SPATS2L: variants seen among roughly 807,000 people sequenced by gnomAD.
The protein encoded by SPATS2L is spermatogenesis associated serine rich 2 like, also known as SPATS2-like protein.
In SPATS2L, 30 loss-of-function variants were observed where a neutral mutation model predicts 59.6. That is an observed-to-expected ratio of 0.50 (90% confidence interval 0.38 to 0.68). The LOEUF (loss-of-function observed/expected upper bound fraction) is 0.68, where lower values mean the gene tolerates loss of function less well. SPATS2L is among the 30% of genes least tolerant of loss of function. The pLI is 0.00. For synonymous variants in SPATS2L, 252 were observed against 263.5 expected (o/e 0.96, Z 0.42); for missense variants, 615 against 700.0 (o/e 0.88, Z 1.37).
chr2:200,363,261 C>T (rs1007542421), intron 2 of SPATS2L, among the ~76,000 whole-genome samples: 2 of 150,468 alleles, frequency 1.3e-5, no homozygotes, highest in African/African-American at 2.5e-5. Context: ...GCAATATCCT[C>T]GCTAGGAAAA....
intron 4 of SPATS2L, among the ~76,000 whole-genome samples, chr2:200,412,637 A>G (rs2082918762): frequency 6.6e-6 from 1 of 151,878 alleles, no homozygotes; most frequent in Admixed American, 6.6e-5. Flanking sequence ...CACACTCAAT[A>G]AGAATAGAAT....
chr2:200,345,806 G>A (rs2080492917), intron 2 of SPATS2L, among the ~76,000 whole-genome samples: 1 of 152,110 alleles, frequency 6.6e-6, no homozygotes, highest in Admixed American at 6.6e-5. Flanking sequence ...ATCAATTGTT[G>A]ATTACTCTAG....
chr2:200,450,343 A>C (rs1343160426), intron 8 of SPATS2L, among the ~76,000 whole-genome samples: 2 of 152,076 alleles, frequency 1.3e-5, no homozygotes, highest in African/African-American at 4.8e-5. Flanking sequence ...ATCCCTTCCA[A>C]CTTTCTGTTT....
chr2:200,422,172 T>C (rs2083332066), intron 6 of SPATS2L, among the ~76,000 whole-genome samples: 1 of 152,144 alleles, frequency 6.6e-6, no homozygotes, highest in Admixed American at 6.5e-5. Flanking sequence ...ATGAAGGCAT[T>C]GAGGTGTGTT....
chr2:200,442,099 C>T (rs1231627295), intron 8 of SPATS2L, among the ~76,000 whole-genome samples: 1 of 152,110 alleles, frequency 6.6e-6, no homozygotes, highest in Non-Finnish European at 1.5e-5. Flanking sequence ...CTCCCCCCAA[C>T]CCCAGTCATG....
chr2:200,462,797 G>A (rs1289072496), intron 9 of SPATS2L, among the ~76,000 whole-genome samples: 2 of 152,252 alleles, frequency 1.3e-5, no homozygotes, highest in East Asian at 3.9e-4. Flanking sequence ...GTGGTGGCAT[G>A]TGCCCATAGT....
chr2:200,469,496 G>A (rs1031562607), intron 10 of SPATS2L, among the ~76,000 whole-genome samples: 5 of 152,104 alleles, frequency 3.3e-5, no homozygotes, highest in East Asian at 3.8e-4. Flanking sequence ...TGGACGTCCC[G>A]GTTCCCTGTT....
intron 2 of SPATS2L, among the ~76,000 whole-genome samples, chr2:200,349,638 A>G (rs2080650506): frequency 6.6e-6 from 1 of 152,236 alleles, no homozygotes. Context: ...ACTTCGTCTC[A>G]GAAAAGAAAA....
intron 9 of SPATS2L, among the ~76,000 whole-genome samples, chr2:200,460,310 C>T (rs17532176): frequency 0.13 from 20,233 of 152,120 alleles, 1,644 homozygotes; most frequent in Middle Eastern, 0.27. Context: ...AACTTAATTA[C>T]TTAAATTCCC....
At position 200,472,903 on chromosome 2, in the gene SPATS2L, G is replaced by A. The variant is rs532212641; in HGVS notation, c.1132G>A (p.Ala378Thr). ...CCTGCTGCCTCTGCTGAATGCGCAC[G>A]CAGCAACCTCTGGGAAACAGAGTAA... Reference protein sequence around the residue: ...SSLLPLLNAHAATSGKQSNFS... With the variant: ...SSLLPLLNAHTATSGKQSNFS... Residue 378 changes from alanine to threonine, a missense_variant, in exon 12 of 13, where the codon GCA (alanine) becomes ACA (threonine). Coordinates refer to ENST00000409140, the MANE Select transcript of SPATS2L (RefSeq NM_001100423.2). 60 of 1,613,818 alleles carry A rather than the reference G, an allele frequency of 3.7e-5. 1 individual carries two copies. Among genetic ancestry groups the A allele is most frequent in the African/African-American group, 2.4e-4 (18 of 74,968 alleles).
At chr2:200,329,656 A>G (rs942504464) in intron 2 of SPATS2L, among the ~76,000 whole-genome samples, 176 bp downstream of exon 2, 1 of 151,966 alleles carries the variant, frequency 6.6e-6, no homozygotes, top group Admixed American at 6.6e-5. Flanking sequence ...GTTATTCCTG[A>G]TAGGGCAGTG....
intron 2 of SPATS2L, among the ~76,000 whole-genome samples, chr2:200,359,573 TG>T (rs1221996339): frequency 6.6e-6 from 1 of 152,226 alleles, no homozygotes; most frequent in Non-Finnish European, 1.5e-5. Flanking sequence ...TGCAATATAT[TG>T]GCGCTCAAGT....
intron 1 of SPATS2L, among the ~76,000 whole-genome samples, chr2:200,312,273 A>G (rs1239258994): frequency 6.6e-6 from 1 of 152,230 alleles, no homozygotes. Context: ...AATGTAAATA[A>G]TGAGAGGTGC....
At chr2:200,409,962 A>ATTGTG (rs2082817960) in intron 3 of SPATS2L, among the ~76,000 whole-genome samples, 1 of 152,160 alleles carries the variant, frequency 6.6e-6, no homozygotes, top group Admixed American at 6.5e-5. Flanking sequence ...ATAATACAAC[A>ATTGTG]TTGTGTTTTG....
At chr2:200,328,633 T>G (rs1012953992) in intron 1 of SPATS2L, among the ~76,000 whole-genome samples, 2 of 152,138 alleles carry the variant, frequency 1.3e-5, no homozygotes, top group Admixed American at 6.5e-5. Context: ...TTTGTGGAGG[T>G]CAATCTTCTG....
chr2:200,374,478 T>C (rs1175380221), intron 2 of SPATS2L, among the ~76,000 whole-genome samples: 1 of 152,114 alleles, frequency 6.6e-6, no homozygotes, highest in African/African-American at 2.4e-5. Context: ...GTTGACCATT[T>C]TGTTACATTC....
At chr2:200,469,352 G>A (rs1249758742) in intron 10 of SPATS2L, among the ~76,000 whole-genome samples, 8 of 152,138 alleles carry the variant, frequency 5.3e-5, no homozygotes, top group Non-Finnish European at 1.0e-4. Context: ...AGTTATTTCT[G>A]TATTTCTCAC....
At chr2:200,365,276 G>C (rs1388331494) in intron 2 of SPATS2L, among the ~76,000 whole-genome samples, 1 of 152,220 alleles carries the variant, frequency 6.6e-6, no homozygotes, top group African/African-American at 2.4e-5. Flanking sequence ...TGAGGAAGGG[G>C]AGCATCATCA....
chr2:200,468,378 A>ACACACACACACACACACACACACACC (rs1187268085), intron 10 of SPATS2L, among the ~76,000 whole-genome samples: 2 of 151,282 alleles, frequency 1.3e-5, no homozygotes, highest in Admixed American at 6.6e-5. Context: ...ACACACACAC[A>ACACACACACACACACACACACACACC]CGCCTTCCAG....
Sources: allele counts gnomAD v4.1 joint callset (sites outside exome capture counted in the v4.1 genomes callset), GRCh38; gene constraint gnomAD v4.1.1; transcripts MANE v1.5; gene names NCBI Gene and HGNC (gene_info 2026-07-23, HGNC 2026-07-21).